Variants in NHEJ1 observed in about 807,000 individuals in gnomAD.
NHEJ1 encodes non-homologous end joining factor 1, also known as non-homologous end-joining factor 1.
A neutral mutation model predicts 39.4 loss-of-function variants in NHEJ1; 22 were observed. The ratio of observed to expected loss-of-function variants is 0.56; its 90% confidence interval spans 0.40 to 0.80. The LOEUF (loss-of-function observed/expected upper bound fraction) is 0.80, where lower values mean the gene tolerates loss of function less well. Among genes scored for constraint, NHEJ1 ranks in the 30% least tolerant of loss-of-function variants. NHEJ1 has a pLI of 0.00. For missense variants in NHEJ1, 329 were observed against 357.1 expected (o/e 0.92, Z 0.63); for synonymous variants, 154 against 135.6 (o/e 1.14, Z -0.94).
chr2:219,076,557 C>CT lies in NHEJ1; in HGVS notation c.826-103dup, dbSNP rs778354452. 22,806 of 445,678 alleles carry CT rather than the reference C, an allele frequency of 0.051. 88 individuals carry two copies. Among genetic ancestry groups the CT allele is most frequent in the South Asian group, 0.069 (3,091 of 44,632 alleles). 27.6% of individuals were successfully genotyped at this position (445,678 alleles called of 1,614,324 possible). On this transcript the variant is annotated intron_variant, in intron 7 of 7. Coordinates refer to ENST00000356853, the MANE Select transcript of NHEJ1 (RefSeq NM_024782.3). Reference sequence around the variant, plus strand: ...TCATGGCTCCTGGTTAGGATGAGGCCTTTTTTTTTTTTTTTTTTTTTTTCC... The same window carrying CT: ...TCATGGCTCCTGGTTAGGATGAGGCCTTTTTTTTTTTTTTTTTTTTTTTTCC...
Position 219,111,136 on chromosome 2 carries a change from A to G in NHEJ1, c.589-32930T>C, listed in dbSNP as rs987279362. 6.6e-6 allele frequency among the ~76,000 whole-genome samples: 1 copy of G among 152,096 alleles called. No homozygotes were observed. The highest frequency in any genetic ancestry group is 1.5e-5 in the Non-Finnish European group (1 of 68,022). On this transcript the variant is annotated intron_variant, in intron 5 of 7. Transcript: ENST00000356853. The surrounding 1 kb of genome is among the most constrained non-coding windows in gnomAD (Gnocchi z 4.1). ...TCCTTAACTAAGGACCAGAGGGGGG[A>G]AAATCATTTTAAAGATGATTTTAGA...
rs1170979987 is a variant in NHEJ1 at position 219,078,139 on chromosome 2, A to G, written c.656T>C (p.Met219Thr). The change falls in exon 6 of 8, where the codon ATG becomes ACG. Residue 219 changes from methionine (M) to threonine (T), a missense_variant. Coordinates refer to ENST00000356853, the MANE Select transcript of NHEJ1 (RefSeq NM_024782.3). ...PFVMNLQDLY[M>T]AVTTQEVQVG... ...TTGGACCTCTTGTGTGGTGACTGCCATATACAGATCCTGCAGATTCATGAC... is the reference window on the plus strand; with the variant it reads ...TTGGACCTCTTGTGTGGTGACTGCCGTATACAGATCCTGCAGATTCATGAC... The G allele has an allele frequency of 6.2e-7, 1 of 1,614,216 alleles. No homozygotes were observed. Among genetic ancestry groups the G allele is most frequent in the Non-Finnish European group, 8.5e-7 (1 of 1,180,032 alleles).
At chr2:219,123,612 T>C (rs982495869) in intron 5 of NHEJ1, among the ~76,000 whole-genome samples, 1 of 152,210 alleles carries the variant, frequency 6.6e-6, no homozygotes, top group African/African-American at 2.4e-5. Context: ...AGTAACCCCA[T>C]GCAGTGGCTG....
chr2:219,140,895 G>A (rs945816462), intron 5 of NHEJ1, among the ~76,000 whole-genome samples: 15 of 152,168 alleles, frequency 9.9e-5, no homozygotes, highest in Admixed American at 7.9e-4. Context: ...AAATGATCAC[G>A]TGTGGCGTGC....
chr2:219,077,413 A>AAG, intron 6 of NHEJ1, 49 bp from the exon 7 acceptor site: 2 of 1,352,902 alleles, frequency 1.5e-6, no homozygotes, highest in Non-Finnish European at 2.1e-6. Context: ...CCTTCTTCTT[A>AAG]CCAGGAAGAT....
At chr2:219,116,732 G>A (rs1307157070) in intron 5 of NHEJ1, among the ~76,000 whole-genome samples, 1 of 152,144 alleles carries the variant, frequency 6.6e-6, no homozygotes, top group East Asian at 1.9e-4. Flanking sequence ...AGAACAAGCA[G>A]AAAGAAAATG....
At chr2:219,117,966 A>G (rs572352848) in intron 5 of NHEJ1, among the ~76,000 whole-genome samples, 2 of 152,332 alleles carry the variant, frequency 1.3e-5, no homozygotes, top group Admixed American at 1.3e-4. Flanking sequence ...GACAGGTCCT[A>G]TTCCTTCTCC....
At chr2:219,076,553 A>C in intron 7 of NHEJ1, 98 bp from the exon 8 acceptor site, 7 of 546,068 alleles carry the variant, frequency 1.3e-5, no homozygotes, top group Non-Finnish European at 1.9e-5. Context: ...GGTTAGGATG[A>C]GGCCTTTTTT....
At chr2:219,099,149 T>C (rs1012573313) in intron 5 of NHEJ1, among the ~76,000 whole-genome samples, 3 of 152,158 alleles carry the variant, frequency 2.0e-5, no homozygotes, top group Non-Finnish European at 4.4e-5. Context: ...ACTGAGAATA[T>C]GGAGAAGTGC....
rs115112921 is a variant in NHEJ1, at chr2:219,134,291, C to G, written c.588+12389G>C. 4.0e-3 allele frequency among the ~76,000 whole-genome samples: 609 copies of G among 152,318 alleles called. 1 individual carries two copies. Among genetic ancestry groups the G allele is most frequent in the Non-Finnish European group, 6.9e-3 (467 of 68,026 alleles). On this transcript the variant is annotated intron_variant, in intron 5 of 7. Transcript: ENST00000356853. ...AATATGGGTAAATCAACGGGATGGC[C>G]TTAGGCAAATTAGTTCACCACTGAG...
chr2:219,105,456 C>T (rs1949304931), intron 5 of NHEJ1, among the ~76,000 whole-genome samples: 1 of 152,182 alleles, frequency 6.6e-6, no homozygotes, highest in South Asian at 2.1e-4. Context: ...TTTGACAGCT[C>T]ACTAGACTGC....
At chr2:219,119,941 C>CT (rs1429004189) in intron 5 of NHEJ1, among the ~76,000 whole-genome samples, 1 of 152,184 alleles carries the variant, frequency 6.6e-6, no homozygotes, top group Non-Finnish European at 1.5e-5. Flanking sequence ...TCAACAAACC[C>CT]TTTCTCTACT....
intron 4 of NHEJ1, 152 bp from the exon 5 acceptor site, chr2:219,146,890 A>G (rs1949746780): frequency 4.5e-6 from 3 of 669,942 alleles, no homozygotes; most frequent in Non-Finnish European, 8.1e-6. Flanking sequence ...AAGGGCTGAG[A>G]GCATGTGGGC....
At chr2:219,114,249 T>C (rs1401352830) in intron 5 of NHEJ1, among the ~76,000 whole-genome samples, 1 of 152,176 alleles carries the variant, frequency 6.6e-6, no homozygotes, top group Non-Finnish European at 1.5e-5. Context: ...GCTGATTACC[T>C]CCCAGACTAA....
intron 5 of NHEJ1, among the ~76,000 whole-genome samples, chr2:219,144,264 C>T (rs1036415321): frequency 2.6e-5 from 4 of 152,118 alleles, no homozygotes; most frequent in African/African-American, 9.7e-5. Flanking sequence ...TTAATCCAAA[C>T]TTATTGAAGA....
At chr2:219,131,616 T>C (rs1278505247) in intron 5 of NHEJ1, among the ~76,000 whole-genome samples, 1 of 152,242 alleles carries the variant, frequency 6.6e-6, no homozygotes, top group Non-Finnish European at 1.5e-5. Context: ...AATTAATAAA[T>C]AGTTACTCCT....
In NHEJ1 at chr2:219,098,366, C is replaced by G. The variant is rs752974367; in HGVS notation, c.589-20160G>C. On this transcript the variant is annotated intron_variant, in intron 5 of 7. Coordinates refer to ENST00000356853, the MANE Select transcript of NHEJ1 (RefSeq NM_024782.3). ...TACATTTGAATACTAATATAACAATCTTATAGAAAACAAAAACTTAGGGAG... is the reference window on the plus strand; with the variant it reads ...TACATTTGAATACTAATATAACAATGTTATAGAAAACAAAAACTTAGGGAG... Among the ~76,000 whole-genome samples, 25 of 152,100 alleles carry G rather than the reference C, an allele frequency of 1.6e-4. 1 individual carries two copies. Among genetic ancestry groups the G allele is most frequent in the Non-Finnish European group, 2.8e-4 (19 of 68,010 alleles).
At chr2:219,078,052 TA>T (rs1455695452) in intron 6 of NHEJ1, 36 bp downstream of exon 6, 1 of 1,393,146 alleles carries the variant, frequency 7.2e-7, no homozygotes, top group African/African-American at 1.4e-5. Context: ...ATCCTAATTG[TA>T]TCCTCACACA....
At chr2:219,138,652 C>CAT in intron 5 of NHEJ1, among the ~76,000 whole-genome samples, 1 of 152,044 alleles carries the variant, frequency 6.6e-6, no homozygotes, top group Non-Finnish European at 1.5e-5. Flanking sequence ...GGAGATAGAC[C>CAT]ATAAACAGTA....
Sources: gnomAD v4.1 joint callset for allele counts (sites outside exome capture counted in the v4.1 genomes callset) on GRCh38, gnomAD v4.1.1 for gene constraint, Gnocchi (gnomAD v3.1) non-coding constraint, MANE v1.5 for transcripts, NCBI Gene and HGNC (gene_info 2026-07-23, HGNC 2026-07-21) for gene names.